The following BEST4 variants were observed in gnomAD, a reference collection of about 807,000 sequenced individuals.
BEST4 encodes bestrophin 4.
In BEST4, 36 loss-of-function variants were observed where a neutral mutation model predicts 47.1. The ratio of observed to expected loss-of-function variants is 0.76; its 90% CI spans 0.59 to 1.01. The LOEUF is 1.01. BEST4 is among the 50% of genes least tolerant of loss of function. The pLI, the probability that BEST4 is intolerant of heterozygous loss-of-function variation, is 0.00. For synonymous variants in BEST4, 250 were observed against 277.8 expected (o/e 0.90, Z 1.00); for missense variants, 550 against 648.6 (o/e 0.85, Z 1.65).
In BEST4 at chr1:44,783,745, C is replaced by T. The variant is rs1248886204; in HGVS notation, c.*465G>A. ...TTCACATGACTCTCAAATTGTGTTT[C>T]CTGGACAAGCAGCACAGCATCACCT... On this transcript the variant is annotated 3_prime_UTR_variant, in exon 9 of 9. Transcript: ENST00000372207. 6.5e-6 allele frequency: 1 copy of T among 154,812 alleles called. No homozygotes were observed. The highest frequency in any genetic ancestry group is 1.4e-5 in the Non-Finnish European group (1 of 69,992). 9.6% of individuals were successfully genotyped at this position (154,812 alleles called of 1,614,324 possible). A position where few individuals can be genotyped will look rare whatever the true frequency, so the allele number is the denominator to read the frequency against.
At chr1:44,791,766 C>T, upstream of BEST4, among the ~76,000 whole-genome samples, 1 of 152,042 alleles carries the variant, frequency 6.6e-6, no homozygotes, top group South Asian at 2.1e-4. Context: ...CTCTCCTCTC[C>T]CTCCCTATTG....
At chr1:44,792,409 A>G (rs1651434780), upstream of BEST4, among the ~76,000 whole-genome samples, 1 of 147,562 alleles carries the variant, frequency 6.8e-6, no homozygotes, top group South Asian at 2.2e-4. Context: ...CCTGGGCAAC[A>G]GAGCAAGACT....
At position 44,784,445 on chromosome 1, in the gene BEST4, G is replaced by A; in HGVS notation, c.1187C>T (p.Ala396Val). 1 of 1,223,416 alleles carries A rather than the reference G, an allele frequency of 8.2e-7. No homozygotes were observed. Among genetic ancestry groups the A allele is most frequent in the Non-Finnish European group, 1.0e-6 (1 of 970,944 alleles). 75.8% of individuals were successfully genotyped at this position (1,223,416 alleles called of 1,614,324 possible). ...DDPEQSLQVEASPGSGRPAPA... is the reference protein window; with the variant it reads ...DDPEQSLQVEVSPGSGRPAPA... ...CGCGGGCCGACCAGATCCGGGGGAC[G>A]CCTCCACCTGCAGGCTCTGCTCAGG... The change falls in exon 9 of 9, where the codon GCG becomes GTG. Residue 396 changes from alanine (A) to valine (V), a missense_variant. By Grantham distance (64) the Ala-to-Val change is moderately conservative. Around this residue, in one of 3 missense-constraint regions of BEST4, gnomAD observed 255 missense variants for 286.6 expected, o/e 0.89. Transcript: ENST00000372207. This position sits in a 1 kb window ranked among gnomAD's most constrained non-coding sequence, Gnocchi z 6.2.
At position 44,784,325 on chromosome 1, in the gene BEST4, G is replaced by C; in HGVS notation, c.1307C>G (p.Thr436Ser). The change falls in exon 9 of 9, where the codon ACC (threonine) becomes AGC (serine). Residue 436 changes from threonine to serine, a missense_variant. By Grantham distance (58) the Thr-to-Ser change is moderately conservative. Coordinates refer to ENST00000372207, the MANE Select transcript of BEST4 (RefSeq NM_153274.3). The surrounding 1 kb of genome is among the most constrained non-coding windows in gnomAD (Gnocchi z 6.2). ...GCGCAGCAGATGCGGGGGGCGGGGG[G>C]TGCCTCGCACGCGGCCGAAGTTCCG... ...SLRNFGRVRG[T>S]PRPPHLLRFR... The C allele has an allele frequency of 7.2e-7, 1 of 1,395,462 alleles. No individual in the cohort carries two copies. The highest frequency in any genetic ancestry group is 1.6e-5 in the South Asian group (1 of 63,250). The allele number at this position is 1,395,462 out of a possible 1,614,324, so 86.4% of individuals were successfully genotyped here.
upstream of BEST4, among the ~76,000 whole-genome samples, chr1:44,789,463 C>T (rs183733328): frequency 9.5e-3 from 1,426 of 150,552 alleles, 22 homozygotes; most frequent in South Asian, 0.012. Flanking sequence ...CTTTGGGAGG[C>T]CGAGGCAGGC....
At position 44,785,112 on chromosome 1, in the gene BEST4, A is replaced by G. The variant is rs1271748861; in HGVS notation, c.908T>C (p.Leu303Pro). The change falls in exon 6 of 9, where the codon CTC becomes CCC. Residue 303 changes from leucine (L) to proline (P), a missense_variant. Leu to Pro is a moderately conservative substitution (Grantham distance 98). Around this residue, in one of 3 missense-constraint regions of BEST4, gnomAD observed 255 missense variants for 286.6 expected, o/e 0.89. Transcript: ENST00000372207. ...LLQFFFYAGW[L>P]KVAEQIINPF... ...ATGCCCATCTGCAGTGCCCACCTTGAGCCAGCCAGCATAGAAGAAGAACTG... is the reference window on the plus strand; with the variant it reads ...ATGCCCATCTGCAGTGCCCACCTTGGGCCAGCCAGCATAGAAGAAGAACTG... 6.2e-7 allele frequency: 1 copy of G among 1,613,248 alleles called. No homozygotes were observed. Among genetic ancestry groups the G allele is most frequent in the Non-Finnish European group, 8.5e-7 (1 of 1,179,570 alleles).
upstream of BEST4, among the ~76,000 whole-genome samples, chr1:44,791,229 A>AT (rs1651404399): frequency 1.9e-5 from 2 of 107,726 alleles, no homozygotes; most frequent in East Asian, 3.0e-4. Context: ...AGAGAGAGAG[A>AT]GTATGTGTGT....
upstream of BEST4, among the ~76,000 whole-genome samples, chr1:44,789,633 G>A (rs1206708824): frequency 6.6e-6 from 1 of 152,164 alleles, no homozygotes; most frequent in Non-Finnish European, 1.5e-5. Flanking sequence ...GGGAGGTGGA[G>A]ATTGCGGTGA....
rs1315175940 is a variant in BEST4 at position 44,784,436 on chromosome 1, C to G, written c.1196G>C (p.Gly399Ala). The G allele has an allele frequency of 4.4e-6, 6 of 1,350,190 alleles. No homozygotes were observed. Among genetic ancestry groups the G allele is most frequent in the South Asian group, 4.4e-5 (3 of 68,408 alleles). 83.6% of individuals were successfully genotyped at this position (1,350,190 alleles called of 1,614,324 possible). A position where few individuals can be genotyped will look rare whatever the true frequency, so the allele number is the denominator to read the frequency against. ...CGCGGCGGGCGCGGGCCGACCAGAT[C>G]CGGGGGACGCCTCCACCTGCAGGCT... ...EQSLQVEASP[G>A]SGRPAPAAQT... Residue 399 changes from glycine to alanine, a missense_variant, in exon 9 of 9, where the codon GGA becomes GCA. Gly to Ala is a moderately conservative substitution (Grantham distance 60, BLOSUM62 0). Coordinates refer to ENST00000372207, the MANE Select transcript of BEST4 (RefSeq NM_153274.3). The surrounding 1 kb of genome is among the most constrained non-coding windows in gnomAD (Gnocchi z 6.2).
At position 44,783,600 on chromosome 1, in the gene BEST4, A is replaced by G. The variant is rs1651105317; in HGVS notation, c.*610T>C. ...TAAACAACACTTAAACAAAAACTTG[A>G]ATATATTCTCAATGTAAACAAAAAC... is the stretch of plus-strand genomic sequence containing the variant. On this transcript the variant is annotated 3_prime_UTR_variant, in exon 9 of 9. Transcript: ENST00000372207. 1 of 152,218 alleles carries G rather than the reference A, an allele frequency of 6.6e-6. No homozygotes were observed. Among genetic ancestry groups the G allele is most frequent in the Non-Finnish European group, 1.5e-5 (1 of 68,074 alleles). The allele number at this position is 152,218 out of a possible 1,614,324, so 9.4% of individuals were successfully genotyped here. A position where few individuals can be genotyped will look rare whatever the true frequency, so the allele number is the denominator to read the frequency against.
intron 4 of BEST4, 149 bp from the exon 5 acceptor site, chr1:44,785,825 C>A (rs1017772668): frequency 4.8e-6 from 4 of 826,788 alleles, no homozygotes; most frequent in Non-Finnish European, 7.5e-6. Context: ...CCCAGCTCTG[C>A]TAACTAGCTG....
chr1:44,784,375 C>A lies in BEST4; in HGVS notation c.1257G>T (p.Gly419=). Residue 419 remains glycine, a synonymous_variant, in exon 9 of 9, where the codon GGG becomes GGT. Coordinates refer to ENST00000372207, the MANE Select transcript of BEST4 (RefSeq NM_153274.3). This position sits in a 1 kb window ranked among gnomAD's most constrained non-coding sequence, Gnocchi z 6.2. ...GGAGGCTGATGGCCGGGGAGGGCGCCCCTACGCCCAGGAAGCGGCCGAGCA... is the reference window on the plus strand; with the variant it reads ...GGAGGCTGATGGCCGGGGAGGGCGCACCTACGCCCAGGAAGCGGCCGAGCA... ...TPLLGRFLGV[G]APSPAISLRN... The A allele has an allele frequency of 7.1e-7, 1 of 1,398,856 alleles. No individual in the cohort carries two copies. The highest frequency in any genetic ancestry group is 3.5e-5 in the Admixed American group (1 of 28,632). The allele number at this position is 1,398,856 out of a possible 1,614,324, so 86.7% of individuals were successfully genotyped here.
chr1:44,787,606 T>C lies in BEST4; in HGVS notation c.100A>G (p.Lys34Glu), dbSNP rs377504585. The C allele has an allele frequency of 6.9e-5, 112 of 1,614,004 alleles. No homozygotes were observed. The highest frequency in any genetic ancestry group is 8.6e-5 in the Non-Finnish European group (102 of 1,180,014). The change falls in exon 1 of 9, where the codon AAG becomes GAG. Residue 34 changes from lysine to glutamate, a missense_variant. Lys to Glu is a moderately conservative substitution (Grantham distance 56, BLOSUM62 1). This residue lies in a region of BEST4 where 291 missense variants were observed against 342.4 expected (regional missense o/e 0.85). Coordinates refer to ENST00000372207, the MANE Select transcript of BEST4 (RefSeq NM_153274.3). ...WRGSIYKLLY[K>E]EFLLFGALYA... ...AAGGCCCCAAAGAGGAGGAATTCCT[T>C]GTAGAGGAGCTTGTAGATGCTTCCC...
upstream of BEST4, among the ~76,000 whole-genome samples, chr1:44,788,545 C>T (rs560977821): frequency 6.6e-6 from 1 of 152,368 alleles, no homozygotes; most frequent in African/African-American, 2.4e-5. Context: ...TCAAGAAATC[C>T]TCATCACAGC....
chr1:44,790,929 A>AAAAAAG (rs1316547435), upstream of BEST4, among the ~76,000 whole-genome samples: 1 of 152,070 alleles, frequency 6.6e-6, no homozygotes, highest in Non-Finnish European at 1.5e-5. Context: ...AACAAAAACA[A>AAAAAAG]AAAAAGAAAA....
chr1:44,784,176 G>A lies in BEST4; in HGVS notation c.*34C>T. The A allele has an allele frequency of 7.2e-7, 1 of 1,385,102 alleles. No individual in the cohort carries two copies. 85.8% of individuals were successfully genotyped at this position (1,385,102 alleles called of 1,614,324 possible). Reference sequence around the variant, plus strand: ...GGGCACGGGAGGGAAGGAGGGCAGTGGGTGGGGGAAACCGGGCGGGGGCAG... The same window carrying A: ...GGGCACGGGAGGGAAGGAGGGCAGTAGGTGGGGGAAACCGGGCGGGGGCAG... On this transcript the variant is annotated 3_prime_UTR_variant, in exon 9 of 9. Transcript: ENST00000372207. The surrounding 1 kb of genome is among the most constrained non-coding windows in gnomAD (Gnocchi z 6.2).
upstream of BEST4, among the ~76,000 whole-genome samples, chr1:44,792,622 A>G (rs1039011864): frequency 1.3e-5 from 2 of 151,966 alleles, no homozygotes; most frequent in Non-Finnish European, 2.9e-5. Context: ...TGCACCCACC[A>G]AGGACACCTG....
chr1:44,783,340 C>T (rs1286595720), downstream of BEST4, among the ~76,000 whole-genome samples: 3 of 151,752 alleles, frequency 2.0e-5, no homozygotes, highest in African/African-American at 7.3e-5. Flanking sequence ...TACCCGTAAA[C>T]TGTACTTTTT....
chr1:44,785,692 G>C lies in BEST4; in HGVS notation c.637-16C>G. On this transcript the variant is annotated splice_polypyrimidine_tract_variant and intron_variant, in intron 4 of 8. Coordinates refer to ENST00000372207, the MANE Select transcript of BEST4 (RefSeq NM_153274.3). ...TGTTCAGCTCCTGGGGGAACAGCAG[G>C]AACAGGAAGTCAGCAGAGGTGAGGA... The C allele has an allele frequency of 1.3e-6, 2 of 1,550,832 alleles. No homozygotes were observed. The highest frequency in any genetic ancestry group is 1.7e-6 in the Non-Finnish European group (2 of 1,145,974).
Sources: allele counts gnomAD v4.1 joint callset (sites outside exome capture counted in the v4.1 genomes callset), GRCh38; gene constraint gnomAD v4.1.1; regional missense constraint gnomAD v4.1.1; non-coding constraint Gnocchi (gnomAD v3.1); transcripts MANE v1.5; gene names NCBI Gene and HGNC (gene_info 2026-07-23, HGNC 2026-07-21).